Variants in NELL2 observed in about 807,000 individuals in gnomAD.
The protein encoded by NELL2 is neural EGFL like 2, also known as protein kinase C-binding protein NELL2.
Under a neutral mutation model 109.6 loss-of-function variants are expected in NELL2, and 41 were observed. That is an observed-to-expected ratio of 0.37 (90% CI 0.29 to 0.49). The LOEUF is 0.49. NELL2 is among the 20% of genes least tolerant of loss of function. The pLI, the probability that NELL2 is intolerant of heterozygous loss-of-function variation, is 0.98. For synonymous variants in NELL2, 355 were observed against 344.7 expected, an observed-to-expected ratio of 1.03 and a Z score of -0.33; for missense variants, 900 against 1,008.3, an observed-to-expected ratio of 0.89 and a Z score of 1.45.
intron 13 of NELL2, among the ~76,000 whole-genome samples, chr12:44,648,892 C>T (rs1315860236): frequency 2.8e-5 from 3 of 107,722 alleles, no homozygotes; most frequent in African/African-American, 1.1e-4. Flanking sequence ...CATGCCACCA[C>T]GCCCAGCTTG....
chr12:44,701,710 C>T (rs1328962306), intron 12 of NELL2, among the ~76,000 whole-genome samples: 1 of 152,146 alleles, frequency 6.6e-6, no homozygotes, highest in African/African-American at 2.4e-5. Context: ...CTTCCTATAA[C>T]TTTCCTTATC....
chr12:44,901,426 C>A (rs1945659550), intron 1 of NELL2, among the ~76,000 whole-genome samples: 1 of 151,940 alleles, frequency 6.6e-6, no homozygotes, highest in Non-Finnish European at 1.5e-5. Context: ...AAACAAAAAC[C>A]AGCCTAGAAC....
chr12:44,527,567 G>A (rs1422357190), intron 16 of NELL2, among the ~76,000 whole-genome samples: 1 of 152,126 alleles, frequency 6.6e-6, no homozygotes, highest in Non-Finnish European at 1.5e-5. Context: ...CTCCAAGTAT[G>A]AGTCTTACAC....
intron 13 of NELL2, among the ~76,000 whole-genome samples, chr12:44,629,068 T>C (rs1946363591): frequency 1.3e-5 from 2 of 152,160 alleles, no homozygotes; most frequent in South Asian, 4.1e-4. Context: ...GTATCTAAAT[T>C]TGGGTACAAA....
At chr12:44,856,993 G>A (rs1218952731) in intron 2 of NELL2, among the ~76,000 whole-genome samples, 2 of 152,152 alleles carry the variant, frequency 1.3e-5, no homozygotes, top group Admixed American at 1.3e-4. Context: ...GGGAGGAAAG[G>A]AGAAGTGATC....
At chr12:44,880,740 T>C (rs1945401622), upstream of NELL2, 2 of 152,042 alleles carry the variant, frequency 1.3e-5, no homozygotes. Context: ...TATAAAGTAT[T>C]TGAGGACTCT....
intron 11 of NELL2, among the ~76,000 whole-genome samples, chr12:44,707,422 A>G (rs1008879452): frequency 1.3e-5 from 2 of 152,190 alleles, no homozygotes; most frequent in African/African-American, 4.8e-5. Flanking sequence ...ACAGGAGATA[A>G]ACTGAGAGAT....
intron 2 of NELL2, among the ~76,000 whole-genome samples, chr12:44,839,674 G>C (rs1944162659): frequency 6.6e-6 from 1 of 152,150 alleles, no homozygotes; most frequent in Admixed American, 6.5e-5. Context: ...ACTTAGTGAA[G>C]TGTTCGCTTG....
chr12:44,862,976 G>T (rs1199839008), intron 2 of NELL2, among the ~76,000 whole-genome samples: 1 of 152,128 alleles, frequency 6.6e-6, no homozygotes, highest in Non-Finnish European at 1.5e-5. Context: ...TAAGTTCTGG[G>T]ATCCATGTGC....
intron 1 of NELL2, among the ~76,000 whole-genome samples, chr12:44,898,892 G>A (rs12310139): frequency 0.15 from 22,081 of 150,552 alleles, 1,801 homozygotes; most frequent in Admixed American, 0.22. Context: ...ACTAGAATAA[G>A]CAGTTGAGAG....
At position 44,855,145 on chromosome 12, in the gene NELL2, G is replaced by A. The variant is rs149068150; in HGVS notation, c.184+20080C>T. ...CTATACTTATATCACTCCTCAATTT[G>A]TATTAAGCACATTTCAACTATTCAA... On this transcript the variant is annotated intron_variant, in intron 2 of 19. Transcript: ENST00000429094. Among the ~76,000 whole-genome samples the A allele has an allele frequency of 4.9e-3, 748 of 152,172 alleles. 6 individuals carry two copies. The highest frequency in any genetic ancestry group is 0.017 in the African/African-American group (696 of 41,524).
At chr12:44,841,511 T>G (rs1944225105) in intron 2 of NELL2, among the ~76,000 whole-genome samples, 1 of 152,168 alleles carries the variant, frequency 6.6e-6, no homozygotes, top group South Asian at 2.1e-4. Flanking sequence ...AACAATCACA[T>G]AGCTATGATC....
chr12:44,513,239 G>A (rs889540801), intron 19 of NELL2, among the ~76,000 whole-genome samples: 1 of 151,924 alleles, frequency 6.6e-6, no homozygotes, highest in Admixed American at 6.6e-5. Flanking sequence ...CCCCTAACTG[G>A]TGTAAAGCCA....
intron 15 of NELL2, among the ~76,000 whole-genome samples, chr12:44,569,634 T>C (rs1227999736): frequency 1.3e-5 from 2 of 152,198 alleles, no homozygotes; most frequent in Non-Finnish European, 1.5e-5. Flanking sequence ...GACTTCAGTT[T>C]TATAAAGCAT....
chr12:44,562,868 G>A (rs1251057215), intron 15 of NELL2, among the ~76,000 whole-genome samples: 3 of 152,154 alleles, frequency 2.0e-5, no homozygotes, highest in Non-Finnish European at 2.9e-5. Context: ...ACATGCACAC[G>A]TATGTTTATT....
intron 13 of NELL2, among the ~76,000 whole-genome samples, chr12:44,638,016 T>C (rs766098980): frequency 1.2e-4 from 18 of 152,052 alleles, no homozygotes; most frequent in Non-Finnish European, 2.9e-5. Flanking sequence ...CTTTGTCAGA[T>C]TCCCTCATCC....
At chr12:44,727,717 G>T (rs566344970) in intron 9 of NELL2, among the ~76,000 whole-genome samples, 2 of 151,992 alleles carry the variant, frequency 1.3e-5, no homozygotes, top group African/African-American at 4.8e-5. Context: ...CTCTTTAGGG[G>T]TCAATTAAGT....
chr12:44,514,100 G>A (rs1168666844), intron 19 of NELL2, among the ~76,000 whole-genome samples: 2 of 151,818 alleles, frequency 1.3e-5, no homozygotes, highest in African/African-American at 4.8e-5. Context: ...AGAAACAATG[G>A]AAACTAGAAA....
intron 16 of NELL2, 136 bp downstream of exon 16, chr12:44,532,445 C>A: frequency 1.3e-6 from 1 of 754,790 alleles, no homozygotes; most frequent in Non-Finnish European, 1.9e-6. Context: ...TAGATTTTAA[C>A]ACATTTCCAA....
Sources: gnomAD v4.1 joint callset for allele counts (sites outside exome capture counted in the v4.1 genomes callset) on GRCh38, gnomAD v4.1.1 for gene constraint, MANE v1.5 for transcripts, NCBI Gene and HGNC (gene_info 2026-07-23, HGNC 2026-07-21) for gene names.